OTUD4: variants seen among roughly 807,000 people sequenced by gnomAD.
The protein encoded by OTUD4 is OTU deubiquitinase 4.
Under a neutral mutation model 130.4 loss-of-function variants are expected in OTUD4, and 24 were observed. The observed-to-expected ratio is 0.18, with a 90% CI of 0.13 to 0.26. The LOEUF is 0.26. Ranked by LOEUF, OTUD4 falls within the 10% of genes least tolerant of loss-of-function variation. The probability of loss-of-function intolerance (pLI) is 1.00; values close to 1 mark genes in which losing one functional copy is unlikely to be tolerated. For synonymous variants in OTUD4, 420 were observed against 472.5 expected (o/e 0.89, Z 1.44); for missense variants, 1,031 against 1,329.4 (o/e 0.78, Z 3.49).
intron 16 of OTUD4, 130 bp downstream of exon 16, chr4:145,143,816 C>T (rs1750695445): frequency 1.5e-6 from 1 of 675,402 alleles, no homozygotes; most frequent in African/African-American, 1.8e-5. Context: ...CATCTTTTCC[C>T]TGCTTTTCTA....
Position 145,143,929 on chromosome 4 carries a change from G to A in OTUD4, c.1602+17C>T. 1 of 1,585,506 alleles carries A rather than the reference G, an allele frequency of 6.3e-7. No homozygotes were observed. Among genetic ancestry groups the A allele is most frequent in the Non-Finnish European group, 8.7e-7 (1 of 1,154,304 alleles). On this transcript the variant is annotated intron_variant, in intron 16 of 20. Coordinates refer to ENST00000447906, the MANE Select transcript of OTUD4 (RefSeq NM_001366057.1). ...TAAGGAAAAAGAAAAGATGCAAGTA[G>A]TGTTTAAAACTTTTACCTCCAATGT...
At chr4:145,150,970 A>G in intron 11 of OTUD4, 65 bp from the exon 12 acceptor site, 2 of 917,426 alleles carry the variant, frequency 2.2e-6, no homozygotes, top group African/African-American at 1.7e-5. Context: ...AATATTCTGC[A>G]TATTTATTTT....
intron 20 of OTUD4, 139 bp downstream of exon 20, chr4:145,139,812 A>G (rs1750470452): frequency 2.5e-6 from 1 of 404,320 alleles, no homozygotes; most frequent in Non-Finnish European, 4.5e-6. Flanking sequence ...ACGATATAGT[A>G]CTGAAAATGC....
rs1289895279 is a variant in OTUD4, at chr4:145,137,929, G to A, written c.2846C>T (p.Ala949Val). The part of the protein sequence containing the change: ...QSSQTRKADT[A>V]LASIPPVAEG... Reference sequence around the variant, plus strand: ...TGCTACAGGAGGGATGGAAGCCAATGCCGTATCTGCCTTTCGTGTCTGGGA... The same window carrying A: ...TGCTACAGGAGGGATGGAAGCCAATACCGTATCTGCCTTTCGTGTCTGGGA... Residue 949 changes from alanine (A) to valine (V), a missense_variant, in exon 21 of 21, where the codon GCA (alanine) becomes GTA (valine). Transcript: ENST00000447906. 3 of 1,614,168 alleles carry A rather than the reference G, an allele frequency of 1.9e-6. No individual in the cohort carries two copies. The highest frequency in any genetic ancestry group is 1.1e-5 in the South Asian group (1 of 91,074).
At chr4:145,175,006 T>C (rs1409536559) in intron 1 of OTUD4, among the ~76,000 whole-genome samples, 1 of 152,216 alleles carries the variant, frequency 6.6e-6, no homozygotes, top group African/African-American at 2.4e-5. Flanking sequence ...AGGACATTTT[T>C]GTAAATTTAG....
At chr4:145,145,291 A>G (rs1750767117) in intron 14 of OTUD4, among the ~76,000 whole-genome samples, 1 of 152,170 alleles carries the variant, frequency 6.6e-6, no homozygotes, top group African/African-American at 2.4e-5. Flanking sequence ...CACATAAACA[A>G]TGCTTATTTA....
At chr4:145,158,074 C>A (rs1579267756) in intron 7 of OTUD4, among the ~76,000 whole-genome samples, 1 of 152,292 alleles carries the variant, frequency 6.6e-6, no homozygotes, top group South Asian at 2.1e-4. Flanking sequence ...CAAAGTCAGT[C>A]TATTCTAGAA....
In OTUD4 at chr4:145,138,763, C is replaced by T. The variant is rs1427431378; in HGVS notation, c.2125-113G>A. ...AATAAGTTTCTCATGCCTACAAAGA[C>T]CATATAATCTATAGTCCAAATACTA... is the stretch of plus-strand genomic sequence containing the variant. On this transcript the variant is annotated intron_variant, in intron 20 of 20. Transcript: ENST00000447906. 4 of 827,522 alleles carry T rather than the reference C, an allele frequency of 4.8e-6. No individual in the cohort carries two copies. In the East Asian group the frequency reaches 7.7e-5, roughly 16 times the overall value. The allele number at this position is 827,522 out of a possible 1,614,324, so 51.3% of individuals were successfully genotyped here. A position where few individuals can be genotyped will look rare whatever the true frequency, so the allele number is the denominator to read the frequency against.
At chr4:145,155,050 TAAAC>T (rs1751223495) in intron 10 of OTUD4, among the ~76,000 whole-genome samples, 2 of 152,200 alleles carry the variant, frequency 1.3e-5, no homozygotes, top group Admixed American at 6.5e-5. Context: ...ATGATTTTCA[TAAAC>T]AAAACTAAAT....
At chr4:145,148,979 G>A (rs544210159) in intron 13 of OTUD4, among the ~76,000 whole-genome samples, 1 of 152,222 alleles carries the variant, frequency 6.6e-6, no homozygotes, top group South Asian at 2.1e-4. Context: ...GTAATATAAC[G>A]GATTAGAATC....
rs1427681943 is a variant in OTUD4 at position 145,180,545 on chromosome 4, C to A, written c.-572G>T. 6.6e-6 allele frequency among the ~76,000 whole-genome samples: 1 copy of A among 152,230 alleles called. No individual in the cohort carries two copies. The highest frequency in any genetic ancestry group is 2.4e-5 in the African/African-American group (1 of 41,476). On this transcript the variant is annotated 5_prime_UTR_variant, in exon 1 of 21. Coordinates refer to ENST00000447906, the MANE Select transcript of OTUD4 (RefSeq NM_001366057.1). ...CCCGGGAGAGAACAGCACCTCGCAG[C>A]CCAGAATTTGTTTTCGCTTTCGGCC...
chr4:145,134,388 T>C lies in OTUD4; in HGVS notation c.*3042A>G. The C allele has an allele frequency of 3.9e-6, 1 of 255,112 alleles. No homozygotes were observed. The highest frequency in any genetic ancestry group is 7.4e-6 in the Non-Finnish European group (1 of 135,196). The allele number at this position is 255,112 out of a possible 1,614,324, so 15.8% of individuals were successfully genotyped here. On this transcript the variant is annotated 3_prime_UTR_variant, in exon 21 of 21. Transcript: ENST00000447906. ...CATTTACCTCATCTAAAAATGAAGG[T>C]AAAACGAAAGAGGCAAAAATAAATA...
chr4:145,158,282 A>G (rs1751390162), intron 7 of OTUD4, among the ~76,000 whole-genome samples: 1 of 152,144 alleles, frequency 6.6e-6, no homozygotes, highest in African/African-American at 2.4e-5. Context: ...GGAGATCGAG[A>G]CCATCCTGGC....
chr4:145,173,891 C>T (rs1394855783), intron 2 of OTUD4, among the ~76,000 whole-genome samples: 1 of 152,118 alleles, frequency 6.6e-6, no homozygotes, highest in Non-Finnish European at 1.5e-5. Context: ...TTATAATGTT[C>T]TGACATGTGA....
In OTUD4 at chr4:145,143,951, A is replaced by G; in HGVS notation, c.1597T>C (p.Leu533=). Residue 533 remains leucine (L), a synonymous_variant, in exon 16 of 21, where the codon TTG becomes CTG. Coordinates refer to ENST00000447906, the MANE Select transcript of OTUD4 (RefSeq NM_001366057.1). ...QLDKRPEPST[L]ENITDDKYAT... ...GTAGTGTTTAAAACTTTTACCTCCA[A>G]TGTGCTTGGTTCGGGTCTTTTATCC... The G allele has an allele frequency of 6.2e-7, 1 of 1,611,174 alleles. No homozygotes were observed. Among genetic ancestry groups the G allele is most frequent in the Non-Finnish European group, 8.5e-7 (1 of 1,177,460 alleles).
intron 3 of OTUD4, among the ~76,000 whole-genome samples, chr4:145,167,274 G>A (rs1289160011): frequency 6.6e-6 from 1 of 152,132 alleles, no homozygotes; most frequent in Non-Finnish European, 1.5e-5. Context: ...CTGAAATAAG[G>A]AAAATATTTT....
intron 10 of OTUD4, among the ~76,000 whole-genome samples, chr4:145,153,054 T>C (rs1751139262): frequency 6.6e-6 from 1 of 151,390 alleles, no homozygotes; most frequent in Non-Finnish European, 1.5e-5. Context: ...TAGTCTTTAA[T>C]TAAACAGAAA....
chr4:145,167,345 T>C (rs879581232), intron 3 of OTUD4, among the ~76,000 whole-genome samples: 3 of 152,206 alleles, frequency 2.0e-5, no homozygotes, highest in Non-Finnish European at 4.4e-5. Flanking sequence ...TCAATAGTTC[T>C]TAAAAGTTAG....
intron 3 of OTUD4, 49 bp downstream of exon 3, chr4:145,171,621 A>T: frequency 1.2e-6 from 1 of 803,782 alleles, no homozygotes; most frequent in South Asian, 1.5e-5. Context: ...TTTTAAATAC[A>T]TTATTTGGAT....
Sources: gnomAD v4.1 joint callset for allele counts (sites outside exome capture counted in the v4.1 genomes callset) on GRCh38, gnomAD v4.1.1 for gene constraint, MANE v1.5 for transcripts, NCBI Gene and HGNC (gene_info 2026-07-23, HGNC 2026-07-21) for gene names.